MATK: variants seen among roughly 807,000 people sequenced by gnomAD.
MATK encodes the protein megakaryocyte-associated tyrosine-protein kinase.
A neutral mutation model predicts 59.8 loss-of-function variants in MATK; 41 were observed. That is an observed-to-expected ratio of 0.69 (90% confidence interval 0.53 to 0.89). MATK has a LOEUF of 0.89. Among genes scored for constraint, MATK ranks in the 40% least tolerant of loss-of-function variants. The pLI is 0.00. For missense variants in MATK, 593 were observed against 719.6 expected (o/e 0.82, Z 2.01); for synonymous variants, 308 against 306.1 (o/e 1.01, Z -0.06).
At chr19:3,782,764 T>G in intron 7 of MATK, 1 of 283,572 alleles carries the variant, frequency 3.5e-6, no homozygotes, top group South Asian at 4.9e-5. Flanking sequence ...AAGGAGGCGG[T>G]CTGATGGGAG....
chr19:3,785,432 T>TCC lies in MATK; in HGVS notation c.-151-148_-151-147dup, dbSNP rs112321940. ...CCGGCCACCCGCTGAGCCTCTCTGA[T>TCC]CCCCCCCCAAACCCAGGACAGACAC... On this transcript the variant is annotated intron_variant, in intron 1 of 13. Coordinates refer to ENST00000310132, the MANE Select transcript of MATK (RefSeq NM_139355.3). The TCC allele has an allele frequency of 1.1e-3, 495 of 450,508 alleles. 1 individual carries two copies. Among genetic ancestry groups the TCC allele is most frequent in the South Asian group, 5.1e-3 (202 of 39,686 alleles). 27.9% of individuals were successfully genotyped at this position (450,508 alleles called of 1,614,324 possible).
chr19:3,785,245 G>T lies in MATK; in HGVS notation c.-110C>A. The T allele has an allele frequency of 6.4e-7, 1 of 1,573,348 alleles. No homozygotes were observed. On this transcript the variant is annotated 5_prime_UTR_variant, in exon 2 of 14. Coordinates refer to ENST00000310132, the MANE Select transcript of MATK (RefSeq NM_139355.3). ...GCCAGTCGGCTGGCACAGGAGGTAGGGAGCTGGGTGCCACTGGACCGAGCC... is the reference window on the plus strand; with the variant it reads ...GCCAGTCGGCTGGCACAGGAGGTAGTGAGCTGGGTGCCACTGGACCGAGCC...
intron 1 of MATK, among the ~76,000 whole-genome samples, chr19:3,794,271 G>A (rs555955861): frequency 1.8e-4 from 28 of 152,130 alleles, no homozygotes; most frequent in Non-Finnish European, 4.0e-4. Flanking sequence ...TTCCTAATGA[G>A]GGTAACGACC....
At chr19:3,780,572 G>A (rs1292258663) in intron 8 of MATK, among the ~76,000 whole-genome samples, 7 of 142,956 alleles carry the variant, frequency 4.9e-5, no homozygotes, top group East Asian at 4.2e-4. Flanking sequence ...GACTACAGGC[G>A]CCCACCACCA....
chr19:3,782,955 GAT>G (rs1448987723), intron 7 of MATK, 169 bp downstream of exon 7: 2 of 614,084 alleles, frequency 3.3e-6, no homozygotes, highest in African/African-American at 1.8e-5. Context: ...ATAAAGGACT[GAT>G]CTGTGTCTGT....
At position 3,778,350 on chromosome 19, in the gene MATK, C is replaced by T. The variant is rs756287133; in HGVS notation, c.1357G>A (p.Val453Met). ...MEPPEGCPGP[V>M]HVLMSSCWEA... ...CAGCAGCTGCTCATGAGGACGTGCACGGGGCCTGGACAGCCCTCGGGGGGT... is the reference window on the plus strand; with the variant it reads ...CAGCAGCTGCTCATGAGGACGTGCATGGGGCCTGGACAGCCCTCGGGGGGT... The change falls in exon 14 of 14, where the codon GTG (valine) becomes ATG (methionine). Residue 453 changes from valine (V) to methionine (M), a missense_variant. Coordinates refer to ENST00000310132, the MANE Select transcript of MATK (RefSeq NM_139355.3). The T allele has an allele frequency of 6.9e-6, 11 of 1,590,264 alleles. No homozygotes were observed. The highest frequency in any genetic ancestry group is 1.9e-5 in the Admixed American group (1 of 53,578).
chr19:3,785,347 T>A, intron 1 of MATK, 61 bp from the exon 2 acceptor site: 2 of 1,144,914 alleles, frequency 1.7e-6, no homozygotes, highest in Non-Finnish European at 2.4e-6. Flanking sequence ...TTCCCAAGAA[T>A]CTCTGACCGT....
chr19:3,783,373 A>T lies in MATK; in HGVS notation c.583-154T>A, dbSNP rs1172901278. 3 of 651,502 alleles carry T rather than the reference A, an allele frequency of 4.6e-6. No individual in the cohort carries two copies. In the African/African-American group the frequency reaches 5.4e-5, roughly 12 times the overall value. 40.4% of individuals were successfully genotyped at this position (651,502 alleles called of 1,614,324 possible). A position where few individuals can be genotyped will look rare whatever the true frequency, so the allele number is the denominator to read the frequency against. On this transcript the variant is annotated intron_variant, in intron 6 of 13. Coordinates refer to ENST00000310132, the MANE Select transcript of MATK (RefSeq NM_139355.3). ...GGAACGGGAAAGGAGGCAAGCCAAA[A>T]GGAGGGGGAGTCCTCTGGATTGGTA...
chr19:3,800,833 T>C (rs2037636843), intron 1 of MATK, among the ~76,000 whole-genome samples: 2 of 152,238 alleles, frequency 1.3e-5, no homozygotes, highest in East Asian at 1.9e-4. Context: ...TGTAACAAAA[T>C]TTGCCATCTT....
chr19:3,787,072 G>T (rs920910728), upstream of MATK, among the ~76,000 whole-genome samples: 12 of 152,332 alleles, frequency 7.9e-5, no homozygotes, highest in Non-Finnish European at 1.3e-4. Flanking sequence ...CGATGGCTTT[G>T]TGGTTGGGGT....
At chr19:3,792,074 G>A (rs1221534631) in intron 1 of MATK, among the ~76,000 whole-genome samples, 1 of 148,238 alleles carries the variant, frequency 6.7e-6, no homozygotes, top group Non-Finnish European at 1.5e-5. Flanking sequence ...CACCACTATA[G>A]ACCAGTCTGG....
Position 3,784,529 on chromosome 19 carries a change from G to A in MATK, c.133-78C>T, listed in dbSNP as rs764733160. ...GAGCAGAGGCACGGGAGGGGAAAGA[G>A]GACAGGAGGGAGAAAGGTATAGAGA... is the stretch of plus-strand genomic sequence containing the variant. On this transcript the variant is annotated intron_variant, in intron 3 of 13. Transcript: ENST00000310132. 1.5e-3 allele frequency: 1,460 copies of A among 967,282 alleles called. 2 individuals are homozygous for A. The highest frequency in any genetic ancestry group is 2.1e-3 in the Non-Finnish European group (1,351 of 640,896). The allele number at this position is 967,282 out of a possible 1,614,324, so 59.9% of individuals were successfully genotyped here. A position where few individuals can be genotyped will look rare whatever the true frequency, so the allele number is the denominator to read the frequency against.
chr19:3,794,944 T>C (rs1395001906), intron 1 of MATK, among the ~76,000 whole-genome samples: 1 of 151,990 alleles, frequency 6.6e-6, no homozygotes, highest in African/African-American at 2.4e-5. Flanking sequence ...ACATGGACAT[T>C]TGACTTTCAT....
rs2037338785 is a variant in MATK, at chr19:3,778,006, C to T, written c.*177G>A. 2 of 786,186 alleles carry T rather than the reference C, an allele frequency of 2.5e-6. No individual in the cohort carries two copies. Among genetic ancestry groups the T allele is most frequent in the South Asian group, 2.1e-5 (1 of 47,732 alleles). 48.7% of individuals were successfully genotyped at this position (786,186 alleles called of 1,614,324 possible). A position where few individuals can be genotyped will look rare whatever the true frequency, so the allele number is the denominator to read the frequency against. ...AATCCGTCTTTATCGGGCGATCATC[C>T]TTCGCAGGTCTGGGGTGTCCACGGG... On this transcript the variant is annotated 3_prime_UTR_variant, in exon 14 of 14. Coordinates refer to ENST00000310132, the MANE Select transcript of MATK (RefSeq NM_139355.3).
At chr19:3,796,047 C>T (rs2037591750) in intron 1 of MATK, among the ~76,000 whole-genome samples, 1 of 151,998 alleles carries the variant, frequency 6.6e-6, no homozygotes, top group South Asian at 2.1e-4. Flanking sequence ...CACGTGTGAG[C>T]CACCAGCTGT....
chr19:3,796,284 G>T (rs1029549780), intron 1 of MATK, among the ~76,000 whole-genome samples: 2 of 152,106 alleles, frequency 1.3e-5, no homozygotes, highest in Non-Finnish European at 2.9e-5. Flanking sequence ...CTCCTCAGGG[G>T]TTGCTGTTGC....
rs199935222 is a variant in MATK at position 3,779,401 on chromosome 19, G to A, written c.978C>T (p.Thr326=). 3.1e-6 allele frequency: 5 copies of A among 1,613,304 alleles called. No individual in the cohort carries two copies. Among genetic ancestry groups the A allele is most frequent in the African/African-American group, 2.7e-5 (2 of 75,060 alleles). The part of the protein sequence containing the change: ...LRTRGRALVN[T]AQLLQFSLHV... Reference sequence around the variant, plus strand: ...ACAGAGAAAACTGCAGGAGCTGAGCGGTGTTCACGAGGGCTCGACCCCGGG... The same window carrying A: ...ACAGAGAAAACTGCAGGAGCTGAGCAGTGTTCACGAGGGCTCGACCCCGGG... The change falls in exon 11 of 14, where the codon ACC becomes ACT. Residue 326 remains threonine, a synonymous_variant. Coordinates refer to ENST00000310132, the MANE Select transcript of MATK (RefSeq NM_139355.3).
upstream of MATK, chr19:3,789,324 T>C: frequency 1.3e-6 from 1 of 778,192 alleles, no homozygotes; most frequent in Non-Finnish European, 2.4e-6. Context: ...CTTCTCTTCG[T>C]TCAGCAGGGA....
At chr19:3,797,942 T>C (rs868199112) in intron 1 of MATK, among the ~76,000 whole-genome samples, 3 of 151,892 alleles carry the variant, frequency 2.0e-5, no homozygotes, top group Non-Finnish European at 4.4e-5. Context: ...CTTGGGAGGC[T>C]AAAGGAGGAG....
Sources: allele counts gnomAD v4.1 joint callset (sites outside exome capture counted in the v4.1 genomes callset), GRCh38; gene constraint gnomAD v4.1.1; transcripts MANE v1.5; gene names NCBI Gene and HGNC (gene_info 2026-07-23, HGNC 2026-07-21).